Variants in EMC2 observed in about 807,000 individuals in gnomAD.
EMC2 encodes the protein ER membrane protein complex subunit 2.
EMC2 carries 37 observed loss-of-function variants against 51.6 expected under a neutral mutation model. The observed-to-expected ratio is 0.72, with a 90% CI of 0.55 to 0.94. EMC2 has a LOEUF of 0.94. Ranked by LOEUF, EMC2 falls within the 40% of genes least tolerant of loss-of-function variation. EMC2 has a pLI of 0.00. For synonymous variants in EMC2, 131 were observed against 112.4 expected (o/e 1.17, Z -1.04); for missense variants, 359 against 350.9 (o/e 1.02, Z -0.18).
intron 4 of EMC2, among the ~76,000 whole-genome samples, chr8:108,455,581 G>A (rs1003573374): frequency 1.3e-5 from 2 of 151,934 alleles, no homozygotes; most frequent in Non-Finnish European, 2.9e-5. Context: ...CAACTTGTGT[G>A]GCTAGTTTTT....
chr8:108,484,218 A>G (rs1753674323), intron 10 of EMC2, among the ~76,000 whole-genome samples: 1 of 152,102 alleles, frequency 6.6e-6, no homozygotes, highest in South Asian at 2.1e-4. Flanking sequence ...TGATTGCAGC[A>G]GTGATTCTGT....
chr8:108,456,529 A>G (rs1375321329), intron 5 of EMC2, among the ~76,000 whole-genome samples: 1 of 152,074 alleles, frequency 6.6e-6, no homozygotes, highest in Non-Finnish European at 1.5e-5. Context: ...AATAATTAGT[A>G]TATGGAATTA....
intron 10 of EMC2, among the ~76,000 whole-genome samples, chr8:108,481,905 T>C (rs117026898): frequency 0.01 from 1,594 of 152,322 alleles, 10 homozygotes; most frequent in South Asian, 0.019. Context: ...TAGTTCATTG[T>C]ATGAATGTTA....
At chr8:108,459,851 T>C (rs1285643359) in intron 5 of EMC2, among the ~76,000 whole-genome samples, 1 of 141,544 alleles carries the variant, frequency 7.1e-6, no homozygotes, top group Non-Finnish European at 1.6e-5. Context: ...TGCAAACCTA[T>C]CTGTAATAAA....
intron 9 of EMC2, among the ~76,000 whole-genome samples, chr8:108,478,707 TCTTTA>T (rs1398205767): frequency 1.3e-5 from 2 of 151,936 alleles, no homozygotes; most frequent in African/African-American, 4.8e-5. Context: ...TTCTAGAGCT[TCTTTA>T]TTTAAATGAT....
chr8:108,452,444 G>T (rs1819050974), intron 3 of EMC2, among the ~76,000 whole-genome samples: 1 of 152,144 alleles, frequency 6.6e-6, no homozygotes, highest in Non-Finnish European at 1.5e-5. Context: ...ACAGGCGCCT[G>T]TAGTCCGAGC....
At chr8:108,458,309 T>G (rs2130358230) in intron 5 of EMC2, among the ~76,000 whole-genome samples, 1 of 152,286 alleles carries the variant, frequency 6.6e-6, no homozygotes, top group African/African-American at 2.4e-5. Context: ...ACGGTGGCCC[T>G]TTTCTCACAG....
intron 5 of EMC2, among the ~76,000 whole-genome samples, chr8:108,467,141 A>G (rs373541635): frequency 3.9e-5 from 6 of 152,172 alleles, no homozygotes; most frequent in African/African-American, 9.7e-5. Context: ...TTCTGCAGAT[A>G]GCTACCGATC....
At chr8:108,465,101 C>G (rs1317479896) in intron 5 of EMC2, among the ~76,000 whole-genome samples, 1 of 152,104 alleles carries the variant, frequency 6.6e-6, no homozygotes, top group Non-Finnish European at 1.5e-5. Context: ...AAATGTATGT[C>G]TTTCAGAAAA....
intron 1 of EMC2, chr8:108,446,096 C>G (rs1469612854): frequency 6.3e-6 from 1 of 157,672 alleles, no homozygotes; most frequent in Non-Finnish European, 1.4e-5. Flanking sequence ...TCTTTTTACC[C>G]TATTATACTC....
intron 1 of EMC2, among the ~76,000 whole-genome samples, chr8:108,449,233 C>T (rs1818954869): frequency 6.6e-6 from 1 of 151,314 alleles, no homozygotes; most frequent in Non-Finnish European, 1.5e-5. Flanking sequence ...TCACGTCAGT[C>T]TCCTGAGTAG....
At chr8:108,452,468 G>A (rs1044777805) in intron 3 of EMC2, among the ~76,000 whole-genome samples, 1 of 152,236 alleles carries the variant, frequency 6.6e-6, no homozygotes, top group African/African-American at 2.4e-5. Context: ...TTGGGAGGCC[G>A]AGGCAGGAGA....
Position 108,469,920 on chromosome 8 carries a change from T to G in EMC2, c.449+9T>G. 1 of 1,600,270 alleles carries G rather than the reference T, an allele frequency of 6.2e-7. No individual in the cohort carries two copies. The highest frequency in any genetic ancestry group is 1.3e-5 in the African/African-American group (1 of 74,784). ...AATGAGTATCTGGAACAGTGAGTAT[T>G]TTACAAGAGGATTGTGTTTTGTTAT... On this transcript the variant is annotated intron_variant, in intron 6 of 10. Transcript: ENST00000220853.
chr8:108,473,973 C>T (rs1810904286), intron 7 of EMC2: 1 of 151,988 alleles, frequency 6.6e-6, no homozygotes, highest in African/African-American at 2.4e-5. Context: ...AGGAAATAGT[C>T]ACTTTCTGCG....
chr8:108,486,524 A>T lies in EMC2; in HGVS notation c.820A>T (p.Ser274Cys). The change falls in exon 11 of 11, where the codon AGT (serine) becomes TGT (cysteine). Residue 274 changes from serine (S) to cysteine (C), a missense_variant. Physicochemically the swap from Ser to Cys is moderately radical, Grantham distance 112. Coordinates refer to ENST00000220853, the MANE Select transcript of EMC2 (RefSeq NM_014673.5). The stretch of plus-strand genomic sequence containing the variant: ...TTTTTTTAATTAGTTTGCAGGTCGA[A>T]GTAAGAAGGAAACCAAATATTCTCT... ...INRAYQFAGR[S>C]KKETKYSLKA... 1 of 1,563,990 alleles carries T rather than the reference A, an allele frequency of 6.4e-7. No individual in the cohort carries two copies. Among genetic ancestry groups the T allele is most frequent in the Non-Finnish European group, 8.6e-7 (1 of 1,159,786 alleles).
rs576197169 is a variant in EMC2 at position 108,479,441 on chromosome 8, GTATT to G, written c.807+332_807+335del. On this transcript the variant is annotated intron_variant, in intron 10 of 10. Coordinates refer to ENST00000220853, the MANE Select transcript of EMC2 (RefSeq NM_014673.5). ...TCAGAAGCAGATTGGGTATGTGAGT[GTATT>G]ATTAATCATAGGTATCTCAAGAAAT... is the stretch of plus-strand genomic sequence containing the variant. 5.6e-3 allele frequency among the ~76,000 whole-genome samples: 855 copies of G among 152,128 alleles called. 5 individuals are homozygous for G. The highest frequency in any genetic ancestry group is 0.018 in the South Asian group (87 of 4,808).
chr8:108,488,407 G>A lies in EMC2; in HGVS notation c.*1809G>A, dbSNP rs186416308. 2.0e-5 allele frequency among the ~76,000 whole-genome samples: 3 copies of A among 152,126 alleles called. No homozygotes were observed. The highest frequency in any genetic ancestry group is 4.2e-4 in the South Asian group (2 of 4,818). On this transcript the variant is annotated 3_prime_UTR_variant, in exon 11 of 11. Coordinates refer to ENST00000220853, the MANE Select transcript of EMC2 (RefSeq NM_014673.5). ...ACTCCTGGCCTCAAGTGATCTACCCGCCTCAGCCTCCCGAAATGCTGGGAT... is the reference window on the plus strand; with the variant it reads ...ACTCCTGGCCTCAAGTGATCTACCCACCTCAGCCTCCCGAAATGCTGGGAT...
intron 10 of EMC2, among the ~76,000 whole-genome samples, chr8:108,481,184 G>A (rs2130414170): frequency 6.6e-6 from 1 of 152,138 alleles, no homozygotes; most frequent in South Asian, 2.1e-4. Context: ...TGGTTTTGGT[G>A]CTGGCTTTTT....
chr8:108,467,985 G>C (rs1160764405), intron 5 of EMC2, among the ~76,000 whole-genome samples: 1 of 152,166 alleles, frequency 6.6e-6, no homozygotes, highest in African/African-American at 2.4e-5. Flanking sequence ...TATTACTGAG[G>C]TTTGTAGAGG....
Sources: gnomAD v4.1 joint callset for allele counts (sites outside exome capture counted in the v4.1 genomes callset) on GRCh38, gnomAD v4.1.1 for gene constraint, MANE v1.5 for transcripts, NCBI Gene and HGNC (gene_info 2026-07-23, HGNC 2026-07-21) for gene names.